NKAIN1: variants seen among roughly 807,000 people sequenced by gnomAD.
NKAIN1 encodes the protein sodium/potassium-transporting ATPase subunit beta-1-interacting protein 1.
In NKAIN1, 13 loss-of-function variants were observed where a neutral mutation model predicts 31.6. The ratio of observed to expected loss-of-function variants is 0.41; its 90% CI spans 0.27 to 0.65. The LOEUF (loss-of-function observed/expected upper bound fraction) is 0.65, where lower values mean the gene tolerates loss of function less well. NKAIN1 is among the 30% of genes least tolerant of loss of function. NKAIN1 has a pLI of 0.30. For synonymous variants in NKAIN1, 104 were observed against 109.0 expected (o/e 0.95, Z 0.28); for missense variants, 193 against 262.2 (o/e 0.74, Z 1.82).
At position 31,196,621 on chromosome 1, in the gene NKAIN1, A is replaced by G. The variant is rs117477765; in HGVS notation, c.55-8434T>C. 4.2e-3 allele frequency among the ~76,000 whole-genome samples: 635 copies of G among 151,968 alleles called. 38 individuals carry two copies. In the East Asian group the frequency reaches 0.098, roughly 24 times the overall value. On this transcript the variant is annotated intron_variant, in intron 1 of 6. Transcript: ENST00000373736. ...AGAATCACTTGAATCAACCTCCACCAGGAGGTGGGAGTTGCAGTGAGCCAA... is the reference window on the plus strand; with the variant it reads ...AGAATCACTTGAATCAACCTCCACCGGGAGGTGGGAGTTGCAGTGAGCCAA...
At chr1:31,225,788 C>T (rs545981017) in intron 1 of NKAIN1, among the ~76,000 whole-genome samples, 8 of 152,330 alleles carry the variant, frequency 5.3e-5, no homozygotes, top group Admixed American at 3.3e-4. Flanking sequence ...CACTGTCTCC[C>T]TCAGATTACC....
chr1:31,182,220 G>A (rs1645208040), intron 5 of NKAIN1, among the ~76,000 whole-genome samples: 2 of 152,164 alleles, frequency 1.3e-5, no homozygotes, highest in African/African-American at 4.8e-5. Flanking sequence ...CTGGGAGGCC[G>A]GGCAGTCCTA....
chr1:31,220,651 A>C (rs531882350), intron 1 of NKAIN1, among the ~76,000 whole-genome samples: 1 of 146,716 alleles, frequency 6.8e-6, no homozygotes, highest in East Asian at 2.2e-4. Context: ...GCTGCTTGGG[A>C]GGCTGAGGCA....
chr1:31,203,143 T>C (rs1645395946), intron 1 of NKAIN1, among the ~76,000 whole-genome samples: 1 of 151,426 alleles, frequency 6.6e-6, no homozygotes, highest in African/African-American at 2.4e-5. Flanking sequence ...ATGGTGGCTG[T>C]AATCCCAGCT....
chr1:31,186,088 C>A (rs146774230), intron 2 of NKAIN1, among the ~76,000 whole-genome samples: 1 of 150,122 alleles, frequency 6.7e-6, no homozygotes. Context: ...AGAGGCCAGG[C>A]GCAGTGGCTC....
intron 1 of NKAIN1, among the ~76,000 whole-genome samples, chr1:31,224,350 C>T (rs970923408): frequency 5.3e-5 from 8 of 152,336 alleles, no homozygotes; most frequent in Non-Finnish European, 8.8e-5. Context: ...CAAATCTCTA[C>T]GTGCCAGTGT....
At chr1:31,220,539 G>T (rs1645556282) in intron 1 of NKAIN1, among the ~76,000 whole-genome samples, 2 of 152,016 alleles carry the variant, frequency 1.3e-5, no homozygotes, top group South Asian at 2.1e-4. Context: ...TGGACTACCT[G>T]AGATCAGGAG....
At chr1:31,211,053 C>G (rs1326748500) in intron 1 of NKAIN1, among the ~76,000 whole-genome samples, 1 of 152,206 alleles carries the variant, frequency 6.6e-6, no homozygotes, top group Non-Finnish European at 1.5e-5. Flanking sequence ...CGACATCATA[C>G]TTAACGGTAA....
chr1:31,232,074 C>A, intron 1 of NKAIN1, among the ~76,000 whole-genome samples: 1 of 143,856 alleles, frequency 7.0e-6, no homozygotes, highest in African/African-American at 2.6e-5. Context: ...CTACCATGCC[C>A]AGCTAAGTTT....
At chr1:31,237,739 G>A (rs1645702777) in intron 1 of NKAIN1, among the ~76,000 whole-genome samples, 1 of 151,998 alleles carries the variant, frequency 6.6e-6, no homozygotes, top group South Asian at 2.1e-4. Context: ...CAGGTGATCT[G>A]CCCATCTCGC....
At position 31,221,667 on chromosome 1, in the gene NKAIN1, C is replaced by A. The variant is rs140975064; in HGVS notation, c.54+17827G>T. On this transcript the variant is annotated intron_variant, in intron 1 of 6. Transcript: ENST00000373736. Reference sequence around the variant, plus strand: ...GCCAAGATGGTCTCGATCTCTTGACCTCATGATCTGCCCACCTCGGCCTCC... The same window carrying A: ...GCCAAGATGGTCTCGATCTCTTGACATCATGATCTGCCCACCTCGGCCTCC... Among the ~76,000 whole-genome samples, 102 of 152,190 alleles carry A rather than the reference C, an allele frequency of 6.7e-4. 1 individual carries two copies. The highest frequency in any genetic ancestry group is 2.3e-3 in the African/African-American group (96 of 41,532).
At chr1:31,234,084 T>C (rs1890888) in intron 1 of NKAIN1, among the ~76,000 whole-genome samples, 34,949 of 152,264 alleles carry the variant, frequency 0.23, 4,651 homozygotes, top group East Asian at 0.47. Context: ...CATTCTACCC[T>C]GCTCCGCCCA....
At chr1:31,236,637 C>G (rs1645694435) in intron 1 of NKAIN1, among the ~76,000 whole-genome samples, 1 of 152,166 alleles carries the variant, frequency 6.6e-6, no homozygotes, top group Admixed American at 6.5e-5. Context: ...TTTTCAAGTT[C>G]CTCCCGCAAA....
At chr1:31,229,582 G>C (rs1645631103) in intron 1 of NKAIN1, among the ~76,000 whole-genome samples, 2 of 151,764 alleles carry the variant, frequency 1.3e-5, no homozygotes, top group African/African-American at 4.8e-5. Context: ...TTTCGCTCTT[G>C]TTACCCAGGC....
intron 1 of NKAIN1, among the ~76,000 whole-genome samples, chr1:31,221,256 C>T (rs6425717): frequency 0.31 from 47,108 of 151,938 alleles, 9,348 homozygotes; most frequent in African/African-American, 0.57. Flanking sequence ...TGGTAAGTTT[C>T]GGTTAGCAGG....
chr1:31,208,036 A>T (rs1048065853), intron 1 of NKAIN1, among the ~76,000 whole-genome samples: 1 of 151,990 alleles, frequency 6.6e-6, no homozygotes, highest in East Asian at 1.9e-4. Context: ...TGGGCCCCCA[A>T]AGCATCACCG....
intron 1 of NKAIN1, among the ~76,000 whole-genome samples, chr1:31,194,264 C>G (rs535891489): frequency 4.6e-5 from 7 of 152,256 alleles, no homozygotes; most frequent in African/African-American, 1.7e-4. Flanking sequence ...CTTCACCTGC[C>G]AATGCTCACA....
intron 1 of NKAIN1, among the ~76,000 whole-genome samples, chr1:31,213,974 A>G (rs1645489902): frequency 6.6e-6 from 1 of 151,546 alleles, no homozygotes; most frequent in Non-Finnish European, 1.5e-5. Flanking sequence ...AGCCTGGACC[A>G]CAGAGTGAGC....
rs1341892256 is a variant in NKAIN1, at chr1:31,181,347, CA to C, written c.*355del. ...GGTCTGATGTCCTGCTGTTTTTGGACAGGGGGGCAGGATGCTGGGTGAAGAG... is the reference window on the plus strand; with the variant it reads ...GGTCTGATGTCCTGCTGTTTTTGGACGGGGGGCAGGATGCTGGGTGAAGAG... On this transcript the variant is annotated 3_prime_UTR_variant, in exon 7 of 7. Transcript: ENST00000373736. 4.0e-6 allele frequency: 1 copy of C among 247,570 alleles called. No individual in the cohort carries two copies. The highest frequency in any genetic ancestry group is 7.7e-6 in the Non-Finnish European group (1 of 130,572). 15.3% of individuals were successfully genotyped at this position (247,570 alleles called of 1,614,324 possible). A position where few individuals can be genotyped will look rare whatever the true frequency, so the allele number is the denominator to read the frequency against.
Sources: allele counts gnomAD v4.1 joint callset (sites outside exome capture counted in the v4.1 genomes callset), GRCh38; gene constraint gnomAD v4.1.1; transcripts MANE v1.5; gene names NCBI Gene and HGNC (gene_info 2026-07-23, HGNC 2026-07-21).